GON4L: variants seen among roughly 807,000 people sequenced by gnomAD.
The protein encoded by GON4L is gon-4 like.
GON4L carries 87 observed loss-of-function variants against 211.8 expected under a neutral mutation model. The ratio of observed to expected loss-of-function variants is 0.41; its 90% confidence interval spans 0.35 to 0.49. The LOEUF (loss-of-function observed/expected upper bound fraction) is 0.49. Ranked by LOEUF, GON4L falls within the 20% of genes least tolerant of loss-of-function variation. The pLI, the probability that GON4L is intolerant of heterozygous loss-of-function variation, is 0.15. For synonymous variants in GON4L, 875 were observed against 962.6 expected (o/e 0.91, Z 1.68); for missense variants, 2,155 against 2,659.5 (o/e 0.81, Z 4.17).
At chr1:155,747,809 C>T (rs1302006103), downstream of GON4L, 7 of 1,610,118 alleles carry the variant, frequency 4.3e-6, no homozygotes, top group Admixed American at 5.0e-5. Context: ...CTGGGGTAGG[C>T]GCGAAGGCGG....
intron 12 of GON4L, among the ~76,000 whole-genome samples, chr1:155,786,292 C>T (rs1479178529): frequency 6.6e-6 from 1 of 152,004 alleles, no homozygotes; most frequent in African/African-American, 2.4e-5. Context: ...ATTAGATGAC[C>T]TATCCAAATC....
rs142382216 is a variant in GON4L at position 155,765,961 on chromosome 1, A to G, written c.3512T>C (p.Val1171Ala). The G allele has an allele frequency of 6.1e-5, 99 of 1,614,184 alleles. No individual in the cohort carries two copies. In the Admixed American group the frequency reaches 1.3e-3, roughly 21 times the overall value. Residue 1171 changes from valine to alanine, a missense_variant, in exon 21 of 32, where the codon GTG (valine) becomes GCG (alanine). By Grantham distance (64) the Val-to-Ala change is moderately conservative (BLOSUM62 0). Transcript: ENST00000368331. The part of the protein sequence containing the change: ...CNMIQPVNAA[V>A]AQSPQTIPIT... ...GGGAATAGTCTGGGGACTCTGGGCCACAGCCGCATTGACAGGCTGGATCAT... is the reference window on the plus strand; with the variant it reads ...GGGAATAGTCTGGGGACTCTGGGCCGCAGCCGCATTGACAGGCTGGATCAT...
intron 3 of GON4L, 73 bp from the exon 4 acceptor site, chr1:155,822,549 G>A (rs1668828605): frequency 9.4e-7 from 1 of 1,068,880 alleles, no homozygotes; most frequent in Admixed American, 1.7e-5. Flanking sequence ...AAAGCCAACA[G>A]TAAAGTGGAT....
At position 155,751,940 on chromosome 1, in the gene GON4L, C is replaced by T. The variant is rs1483675359; in HGVS notation, c.6473+20G>A. 11 of 1,612,406 alleles carry T rather than the reference C, an allele frequency of 6.8e-6. No individual in the cohort carries two copies. Among genetic ancestry groups the T allele is most frequent in the African/African-American group, 4.0e-5 (3 of 74,906 alleles). On this transcript the variant is annotated intron_variant, in intron 30 of 31. Transcript: ENST00000368331. Reference sequence around the variant, plus strand: ...TGGTCTATGCTCTTTTCCAAACACACGTCATCCACCCTTACCTACCTTGTC... The same window carrying T: ...TGGTCTATGCTCTTTTCCAAACACATGTCATCCACCCTTACCTACCTTGTC...
At position 155,775,578 on chromosome 1, in the gene GON4L, C is replaced by T. The variant is rs1663716024; in HGVS notation, c.2179-405G>A. Among the ~76,000 whole-genome samples the T allele has an allele frequency of 2.6e-5, 4 of 151,868 alleles. No individual in the cohort carries two copies. In the South Asian group the frequency reaches 8.3e-4, roughly 32 times the overall value. The stretch of plus-strand genomic sequence containing the variant: ...CAAGCGATTCTTCTCCATCTACCTC[C>T]CGAGTAGCTGGGATTAATTACAGGC... On this transcript the variant is annotated intron_variant, in intron 16 of 31. Transcript: ENST00000368331.
intron 2 of GON4L, among the ~76,000 whole-genome samples, chr1:155,835,337 G>A (rs1297110134): frequency 6.6e-6 from 1 of 151,008 alleles, no homozygotes; most frequent in African/African-American, 2.4e-5. Flanking sequence ...GCGGAAGGCC[G>A]CAGGGTCCTC....
intron 11 of GON4L, among the ~76,000 whole-genome samples, 166 bp downstream of exon 11, chr1:155,804,783 G>GAAAAAA: frequency 7.6e-6 from 1 of 131,784 alleles, no homozygotes; most frequent in African/African-American, 2.8e-5. Context: ...CCTGTCTCAG[G>GAAAAAA]AAAAAAAAAA....
At chr1:155,816,150 TAA>T (rs1025429479) in intron 7 of GON4L, 60 bp downstream of exon 7, 32 of 835,890 alleles carry the variant, frequency 3.8e-5, no homozygotes, top group Middle Eastern at 6.0e-4. Flanking sequence ...AGGAAGTACT[TAA>T]GTTTCAAAAC....
At chr1:155,850,817 G>A (rs1399304008) in intron 2 of GON4L, among the ~76,000 whole-genome samples, 2 of 151,882 alleles carry the variant, frequency 1.3e-5, no homozygotes, top group South Asian at 2.1e-4. Flanking sequence ...TTGGGAGGCC[G>A]AGGTCGGTGG....
chr1:155,765,527 G>A lies in GON4L; in HGVS notation c.3946C>T (p.Pro1316Ser), dbSNP rs1662360481. The change falls in exon 21 of 32, where the codon CCT becomes TCT. Residue 1316 changes from proline to serine, a missense_variant. By Grantham distance (74) the Pro-to-Ser change is moderately conservative. This residue lies in a region of GON4L where 615 missense variants were observed against 625.7 expected (regional missense o/e 0.98). Transcript: ENST00000368331. ...PQGIQESLNN[P>S]TPGDLEEIVK... is the part of the protein sequence containing the mutation. ...ATTTCCTCTAAATCCCCAGGGGTAG[G>A]GTTGTTTAGAGACTCCTGGATGCCC... 5 of 1,614,030 alleles carry A rather than the reference G, an allele frequency of 3.1e-6. No individual in the cohort carries two copies. The highest frequency in any genetic ancestry group is 2.2e-5 in the South Asian group (2 of 91,088).
intron 19 of GON4L, among the ~76,000 whole-genome samples, chr1:155,768,882 C>A (rs182571150): frequency 1.1e-4 from 17 of 152,204 alleles, no homozygotes; most frequent in Admixed American, 1.1e-3. Flanking sequence ...TGCTAAGGCA[C>A]TTGATAAACC....
At chr1:155,847,031 T>G in intron 2 of GON4L, among the ~76,000 whole-genome samples, 2 of 151,778 alleles carry the variant, frequency 1.3e-5, no homozygotes, top group Non-Finnish European at 2.9e-5. Flanking sequence ...AACACAGGAG[T>G]TGAATTTTCC....
At chr1:155,791,393 G>A (rs1448691290) in intron 12 of GON4L, among the ~76,000 whole-genome samples, 2 of 151,538 alleles carry the variant, frequency 1.3e-5, no homozygotes, top group Non-Finnish European at 1.5e-5. Flanking sequence ...AGAATCCAGA[G>A]AAGAGTAATG....
intron 2 of GON4L, among the ~76,000 whole-genome samples, chr1:155,834,741 C>T (rs563206996): frequency 6.6e-6 from 1 of 152,290 alleles, no homozygotes; most frequent in South Asian, 2.1e-4. Flanking sequence ...CCAGATGTTA[C>T]CTTATATGGT....
chr1:155,759,948 A>G (rs1661599135), intron 24 of GON4L, among the ~76,000 whole-genome samples: 1 of 145,232 alleles, frequency 6.9e-6, no homozygotes, highest in Non-Finnish European at 1.5e-5. Context: ...TTATTTTTAT[A>G]ATTTATATTT....
At chr1:155,799,915 T>C (rs542258494) in intron 11 of GON4L, among the ~76,000 whole-genome samples, 3 of 152,344 alleles carry the variant, frequency 2.0e-5, no homozygotes, top group Admixed American at 1.3e-4. Flanking sequence ...CAGCTTATTA[T>C]GAAGGCTAGG....
At chr1:155,850,553 T>C (rs1012410230) in intron 2 of GON4L, among the ~76,000 whole-genome samples, 12 of 152,190 alleles carry the variant, frequency 7.9e-5, no homozygotes, top group African/African-American at 2.9e-4. Context: ...ACCAACACAG[T>C]ATACCATCAA....
chr1:155,768,582 G>A (rs1662822038), intron 19 of GON4L, among the ~76,000 whole-genome samples: 2 of 150,522 alleles, frequency 1.3e-5, no homozygotes, highest in Admixed American at 1.3e-4. Context: ...CTGCACTCCA[G>A]CCTGGATGAC....
intron 24 of GON4L, among the ~76,000 whole-genome samples, chr1:155,759,334 G>C (rs1661520751): frequency 6.6e-6 from 1 of 152,084 alleles, no homozygotes; most frequent in South Asian, 2.1e-4. Context: ...CAATTTGGGA[G>C]GTCGAGGTGG....
Sources: allele counts gnomAD v4.1 joint callset (sites outside exome capture counted in the v4.1 genomes callset), GRCh38; gene constraint gnomAD v4.1.1; regional missense constraint gnomAD v4.1.1; transcripts MANE v1.5; gene names NCBI Gene and HGNC (gene_info 2026-07-23, HGNC 2026-07-21).